SPAG16: variants seen among roughly 807,000 people sequenced by gnomAD.
SPAG16 encodes sperm associated antigen 16, also known as sperm-associated antigen 16 protein.
SPAG16 carries 86 observed loss-of-function variants against 80.4 expected under a neutral mutation model. That is an observed-to-expected ratio of 1.07 (90% CI 0.90 to 1.28). The LOEUF (loss-of-function observed/expected upper bound fraction) is 1.28, where lower values mean the gene tolerates loss of function less well. SPAG16 is among the 50% of genes most tolerant of loss of function. The probability of loss-of-function intolerance (pLI) is 0.00; values close to 1 mark genes in which losing one functional copy is unlikely to be tolerated. For missense variants in SPAG16, 870 were observed against 765.3 expected (o/e 1.14, Z -1.61); for synonymous variants, 294 against 265.9 (o/e 1.11, Z -1.03).
intron 15 of SPAG16, among the ~76,000 whole-genome samples, chr2:214,197,127 T>C (rs1034463108): frequency 6.6e-6 from 1 of 152,044 alleles, no homozygotes; most frequent in African/African-American, 2.4e-5. Context: ...AACCTGACTA[T>C]ATTCCACTCA....
At chr2:213,650,921 G>A (rs2062995651) in intron 10 of SPAG16, among the ~76,000 whole-genome samples, 1 of 152,132 alleles carries the variant, frequency 6.6e-6, no homozygotes, top group Non-Finnish European at 1.5e-5. Context: ...GATTCTGTGA[G>A]TTAGGAAATT....
intron 10 of SPAG16, among the ~76,000 whole-genome samples, chr2:213,717,451 C>T (rs1181326392): frequency 2.0e-5 from 3 of 152,156 alleles, no homozygotes; most frequent in East Asian, 1.9e-4. Context: ...TGAGCCACTG[C>T]GCCCGGCAAA....
At chr2:214,172,426 C>G (rs2056905103) in intron 15 of SPAG16, among the ~76,000 whole-genome samples, 1 of 152,084 alleles carries the variant, frequency 6.6e-6, no homozygotes, top group South Asian at 2.1e-4. Context: ...GACATGAACT[C>G]ATCACGTTTT....
chr2:214,352,107 T>G (rs1698452819), intron 15 of SPAG16, among the ~76,000 whole-genome samples: 1 of 152,166 alleles, frequency 6.6e-6, no homozygotes, highest in Admixed American at 6.5e-5. Flanking sequence ...AGGTTCCTAT[T>G]GCCATTCGTG....
At chr2:213,368,488 C>A (rs968826850) in intron 8 of SPAG16, among the ~76,000 whole-genome samples, 9 of 152,070 alleles carry the variant, frequency 5.9e-5, no homozygotes, top group African/African-American at 7.2e-5. Context: ...GGAAGCATTC[C>A]CTTTGAAAAC....
rs1035562628 is a variant in SPAG16 at position 214,116,474 on chromosome 2, C to T, written c.1593+8213C>T. Among the ~76,000 whole-genome samples the T allele has an allele frequency of 2.6e-5, 4 of 152,304 alleles. No homozygotes were observed. In the South Asian group the frequency reaches 8.3e-4, roughly 32 times the overall value. Reference sequence around the variant, plus strand: ...GGAACTATGCTGTCTATGCAAAGACCTGCTGGGAATTGCACACTCACGTGG... The same window carrying T: ...GGAACTATGCTGTCTATGCAAAGACTTGCTGGGAATTGCACACTCACGTGG... On this transcript the variant is annotated intron_variant, in intron 14 of 15. Transcript: ENST00000331683.
At chr2:213,793,581 A>G (rs746587200) in intron 10 of SPAG16, among the ~76,000 whole-genome samples, 41 of 152,264 alleles carry the variant, frequency 2.7e-4, no homozygotes, top group Non-Finnish European at 2.5e-4. Flanking sequence ...CTTATGAAAA[A>G]CTGACTTCAA....
At chr2:213,870,536 G>A (rs190528121) in intron 11 of SPAG16, among the ~76,000 whole-genome samples, 1 of 152,270 alleles carries the variant, frequency 6.6e-6, no homozygotes, top group Non-Finnish European at 1.5e-5. Flanking sequence ...TCCAGTATGG[G>A]TGTGGAAGAG....
At chr2:214,293,798 C>T (rs559589565) in intron 15 of SPAG16, among the ~76,000 whole-genome samples, 1 of 152,080 alleles carries the variant, frequency 6.6e-6, no homozygotes, top group Non-Finnish European at 1.5e-5. Context: ...GTAGCAGTGG[C>T]CCCAGGGCAG....
At chr2:214,020,341 G>T (rs1342181817) in intron 13 of SPAG16, among the ~76,000 whole-genome samples, 74 of 152,046 alleles carry the variant, frequency 4.9e-4, no homozygotes, top group Admixed American at 4.9e-3. Context: ...GGTATTTTAT[G>T]TATGTAATAC....
intron 15 of SPAG16, among the ~76,000 whole-genome samples, chr2:214,395,684 CT>C: frequency 6.6e-6 from 1 of 152,028 alleles, no homozygotes; most frequent in Non-Finnish European, 1.5e-5. Context: ...TCCTCCCACC[CT>C]CCACCCTCAA....
intron 10 of SPAG16, among the ~76,000 whole-genome samples, chr2:213,789,620 C>T (rs552247028): frequency 7.2e-5 from 11 of 151,994 alleles, no homozygotes; most frequent in East Asian, 3.9e-4. Context: ...TTTGACAGTT[C>T]GGCTCAGTGA....
At chr2:213,468,051 G>T (rs1273216866) in intron 9 of SPAG16, among the ~76,000 whole-genome samples, 1 of 152,080 alleles carries the variant, frequency 6.6e-6, no homozygotes, top group African/African-American at 2.4e-5. Context: ...GTGCTATCTT[G>T]TCCCATGGCC....
chr2:213,948,620 C>G (rs1307915605), intron 12 of SPAG16, among the ~76,000 whole-genome samples: 3 of 152,164 alleles, frequency 2.0e-5, no homozygotes, highest in Non-Finnish European at 4.4e-5. Flanking sequence ...TAAGCATTCA[C>G]ATTTCTGCTC....
rs758267118 is a variant in SPAG16, at chr2:214,149,204, T to A, written c.1658T>A (p.Leu553Ter). 4 of 1,599,894 alleles carry A rather than the reference T, an allele frequency of 2.5e-6. No homozygotes were observed. The South Asian group carries it at 4.4e-5, about 18-fold the overall frequency. The change falls in exon 15 of 16, where the codon TTA (leucine) becomes TAA (stop). Residue 553 changes from leucine to a stop codon, truncating the protein, a stop_gained. Transcript: ENST00000331683. LOFTEE classifies it high-confidence loss of function. ...VTKLWDFRKL[L>*]PIVSIDIGPS... ...AAGCTGTGGGACTTTCGGAAGCTGT[T>A]ACCAATTGTGTCCATCGATATAGGT...
intron 10 of SPAG16, among the ~76,000 whole-genome samples, chr2:213,795,070 A>C (rs2070939839): frequency 6.6e-6 from 1 of 152,126 alleles, no homozygotes; most frequent in South Asian, 2.1e-4. Context: ...ACCTGTGCAA[A>C]CTTTTAAAAA....
chr2:213,373,320 T>C lies in SPAG16; in HGVS notation c.833-1690T>C, dbSNP rs2066734256. On this transcript the variant is annotated intron_variant, in intron 8 of 15. Coordinates refer to ENST00000331683, the MANE Select transcript of SPAG16 (RefSeq NM_024532.5). ...GTAAGTAAAAGTGATGCTTATTTGC[T>C]GGAGAGTGGAAATCATATTTATTCT... Among the ~76,000 whole-genome samples, 3 of 152,198 alleles carry C rather than the reference T, an allele frequency of 2.0e-5. No homozygotes were observed. The South Asian group carries it at 6.2e-4, about 31-fold the overall frequency.
chr2:214,280,234 A>T (rs1473853348), intron 15 of SPAG16, among the ~76,000 whole-genome samples: 1 of 152,232 alleles, frequency 6.6e-6, no homozygotes, highest in Non-Finnish European at 1.5e-5. Context: ...AATAAAGAAG[A>T]CATAGAGAGC....
At chr2:214,298,111 T>C (rs1386501402) in intron 15 of SPAG16, among the ~76,000 whole-genome samples, 3 of 70,952 alleles carry the variant, frequency 4.2e-5, no homozygotes, top group Admixed American at 1.7e-4. Context: ...TATATATATA[T>C]ATACACACAC....
Sources: gnomAD v4.1 joint callset for allele counts (sites outside exome capture counted in the v4.1 genomes callset) on GRCh38, gnomAD v4.1.1 for gene constraint, MANE v1.5 for transcripts, NCBI Gene and HGNC (gene_info 2026-07-23, HGNC 2026-07-21) for gene names.